Variants in TIMD4 observed in about 807,000 individuals in gnomAD.
The protein encoded by TIMD4 is T cell immunoglobulin and mucin domain containing 4.
TIMD4 carries 31 observed loss-of-function variants against 41.2 expected under a neutral mutation model. The ratio of observed to expected loss-of-function variants is 0.75; its 90% CI spans 0.57 to 1.01. The LOEUF is 1.01. Ranked by LOEUF, TIMD4 falls within the 50% of genes least tolerant of loss-of-function variation. The probability of loss-of-function intolerance (pLI) is 0.00; values close to 1 mark genes in which losing one functional copy is unlikely to be tolerated. For synonymous variants in TIMD4, 204 were observed against 177.1 expected, an observed-to-expected ratio of 1.15 and a Z score of -1.21; for missense variants, 479 against 472.5, an observed-to-expected ratio of 1.01 and a Z score of -0.13.
chr5:156,928,856 T>A (rs1195906025), intron 5 of TIMD4, among the ~76,000 whole-genome samples: 4 of 152,194 alleles, frequency 2.6e-5, no homozygotes, highest in African/African-American at 9.7e-5. Context: ...CCTTGTTCTG[T>A]CAAAATCCTG....
chr5:156,920,323 T>G (rs1759211326), intron 8 of TIMD4, 141 bp downstream of exon 8: 5 of 956,814 alleles, frequency 5.2e-6, no homozygotes, highest in Non-Finnish European at 8.0e-6. Flanking sequence ...CTGCACAACT[T>G]TTTCACTTCT....
chr5:156,948,556 C>A, intron 4 of TIMD4, 57 bp from the exon 5 acceptor site: 2 of 1,243,146 alleles, frequency 1.6e-6, no homozygotes, highest in South Asian at 1.6e-5. Flanking sequence ...TGTCTTCCTG[C>A]TTTTGGTACT....
At chr5:156,925,505 A>G (rs988681024) in intron 6 of TIMD4, among the ~76,000 whole-genome samples, 2 of 152,212 alleles carry the variant, frequency 1.3e-5, no homozygotes, top group African/African-American at 4.8e-5. Context: ...GGAAGAAGAA[A>G]GAGGGGATGG....
chr5:156,928,718 T>C (rs1232240021), intron 5 of TIMD4, among the ~76,000 whole-genome samples: 1 of 152,186 alleles, frequency 6.6e-6, no homozygotes, highest in East Asian at 1.9e-4. Context: ...AGTGACTTGT[T>C]AAATGTCACT....
chr5:156,919,870 G>A (rs1242765940), intron 8 of TIMD4, among the ~76,000 whole-genome samples: 1 of 152,160 alleles, frequency 6.6e-6, no homozygotes, highest in African/African-American at 2.4e-5. Flanking sequence ...ACATATTGTG[G>A]TATTAATGCA....
At chr5:156,921,620 A>C (rs1285038857) in intron 7 of TIMD4, among the ~76,000 whole-genome samples, 7 of 72,482 alleles carry the variant, frequency 9.7e-5, no homozygotes, top group African/African-American at 5.5e-4. Context: ...CTCTCTCAAA[A>C]AAAAAAAAAA....
At chr5:156,920,375 G>A (rs1311406503) in intron 8 of TIMD4, 89 bp downstream of exon 8, 35 of 1,404,858 alleles carry the variant, frequency 2.5e-5, no homozygotes, top group Non-Finnish European at 3.1e-5. Flanking sequence ...CGTAACACAA[G>A]CTCAAGTCAT....
At chr5:156,925,991 C>T (rs1045174613) in intron 6 of TIMD4, among the ~76,000 whole-genome samples, 3 of 152,250 alleles carry the variant, frequency 2.0e-5, no homozygotes, top group Admixed American at 6.5e-5. Flanking sequence ...GCAACCTCTG[C>T]CTCCTGGGTT....
chr5:156,926,973 G>GTTC (rs1033017642), intron 5 of TIMD4, among the ~76,000 whole-genome samples: 2 of 152,148 alleles, frequency 1.3e-5, no homozygotes, highest in Non-Finnish European at 2.9e-5. Context: ...GCTAAGCACT[G>GTTC]TTCCAGGCAC....
At chr5:156,928,461 G>C (rs2113348079) in intron 5 of TIMD4, among the ~76,000 whole-genome samples, 1 of 152,186 alleles carries the variant, frequency 6.6e-6, no homozygotes, top group Middle Eastern at 3.4e-3. Flanking sequence ...TCAGAAGCCG[G>C]GGCAAGGAAG....
rs144498600 is a variant in TIMD4, at chr5:156,955,202, G to A, written c.59-446C>T. 4.2e-3 allele frequency among the ~76,000 whole-genome samples: 638 copies of A among 152,230 alleles called. 7 individuals are homozygous for A. Among genetic ancestry groups the A allele is most frequent in the African/African-American group, 0.014 (587 of 41,534 alleles). On this transcript the variant is annotated intron_variant, in intron 1 of 8. Coordinates refer to ENST00000274532, the MANE Select transcript of TIMD4 (RefSeq NM_138379.3). ...CAGGTGACCAGTTGAGTCTCTAACC[G>A]TGGCAAGACCTTTTTGCTGATTTAA...
intron 1 of TIMD4, among the ~76,000 whole-genome samples, chr5:156,956,725 A>T (rs1759978283): frequency 6.6e-6 from 1 of 152,248 alleles, no homozygotes; most frequent in Non-Finnish European, 1.5e-5. Context: ...CAAAAATGCT[A>T]TTGAAGTGAA....
intron 2 of TIMD4, among the ~76,000 whole-genome samples, 190 bp downstream of exon 2, chr5:156,954,224 AC>A (rs1322416977): frequency 6.6e-6 from 1 of 152,056 alleles, no homozygotes; most frequent in Non-Finnish European, 1.5e-5. Flanking sequence ...TTCCCTTTCC[AC>A]CTTCCACTCA....
chr5:156,941,589 A>G (rs1759652888), intron 5 of TIMD4, among the ~76,000 whole-genome samples: 1 of 152,138 alleles, frequency 6.6e-6, no homozygotes, highest in African/African-American at 2.4e-5. Flanking sequence ...CAATGAGTAA[A>G]ATCAGCCCTG....
At position 156,919,429 on chromosome 5, in the gene TIMD4, A is replaced by T; in HGVS notation, c.*28T>A. On this transcript the variant is annotated 3_prime_UTR_variant, in exon 9 of 9. Transcript: ENST00000274532. The stretch of plus-strand genomic sequence containing the variant: ...TTTGACACTGGAGTGTCATGCCCCC[A>T]TCCTCAATCTAACATGCTACTGCGT... The T allele has an allele frequency of 6.3e-7, 1 of 1,597,084 alleles. No individual in the cohort carries two copies. Among genetic ancestry groups the T allele is most frequent in the East Asian group, 2.2e-5 (1 of 44,756 alleles).
chr5:156,963,118 A>T (rs1177993816), intron 1 of TIMD4, 23 bp downstream of exon 1: 1 of 1,612,330 alleles, frequency 6.2e-7, no homozygotes, highest in Admixed American at 1.7e-5. Flanking sequence ...AAACTTCTAC[A>T]TAGAAGGTTT....
chr5:156,959,690 C>T (rs1353906335), intron 1 of TIMD4, among the ~76,000 whole-genome samples: 1 of 152,114 alleles, frequency 6.6e-6, no homozygotes, highest in Admixed American at 6.5e-5. Context: ...GTACATCCAG[C>T]TCTGATCCTT....
chr5:156,922,263 C>T, intron 6 of TIMD4, 47 bp from the exon 7 acceptor site: 2 of 1,428,704 alleles, frequency 1.4e-6, no homozygotes, highest in Non-Finnish European at 2.0e-6. Context: ...TGCTAGATGC[C>T]ACCCTCACAA....
At chr5:156,937,382 C>G (rs376506001) in intron 5 of TIMD4, among the ~76,000 whole-genome samples, 1 of 151,958 alleles carries the variant, frequency 6.6e-6, no homozygotes, top group African/African-American at 2.4e-5. Context: ...GGGCAGAAAA[C>G]AGAGAGAGAG....
Sources: gnomAD v4.1 joint callset for allele counts (sites outside exome capture counted in the v4.1 genomes callset) on GRCh38, gnomAD v4.1.1 for gene constraint, MANE v1.5 for transcripts, NCBI Gene and HGNC (gene_info 2026-07-23, HGNC 2026-07-21) for gene names.